Variants in IP6K1 observed in about 807,000 individuals in gnomAD.
IP6K1 encodes the protein inositol hexakisphosphate kinase 1.
In IP6K1, 13 loss-of-function variants were observed where a neutral mutation model predicts 38.3. The observed-to-expected ratio is 0.34, with a 90% CI of 0.22 to 0.54. The LOEUF is 0.54. Ranked by LOEUF, IP6K1 falls within the 20% of genes least tolerant of loss-of-function variation. The pLI, the probability that IP6K1 is intolerant of heterozygous loss-of-function variation, is 0.92. For synonymous variants in IP6K1, 212 were observed against 229.9 expected (o/e 0.92, Z 0.70); for missense variants, 397 against 599.8 (o/e 0.66, Z 3.53).
chr3:49,737,125 G>A (rs1022519887), intron 3 of IP6K1, among the ~76,000 whole-genome samples: 5 of 146,734 alleles, frequency 3.4e-5, no homozygotes, highest in African/African-American at 1.0e-4. Flanking sequence ...TGCCCAAGCT[G>A]GTCTGAAACT....
At chr3:49,743,556 A>G (rs1392629426) in intron 2 of IP6K1, among the ~76,000 whole-genome samples, 1 of 148,722 alleles carries the variant, frequency 6.7e-6, no homozygotes, top group Non-Finnish European at 1.5e-5. Flanking sequence ...TGGCGTGCCT[A>G]TAGTCCCAGC....
intron 2 of IP6K1, among the ~76,000 whole-genome samples, chr3:49,743,828 G>A (rs1404624588): frequency 4.0e-5 from 6 of 151,378 alleles, no homozygotes; most frequent in East Asian, 4.0e-4. Context: ...CCATGTTGGC[G>A]AGGCTGGTCT....
chr3:49,783,492 C>T (rs781325697), intron 1 of IP6K1, among the ~76,000 whole-genome samples: 2 of 151,882 alleles, frequency 1.3e-5, no homozygotes, highest in Non-Finnish European at 2.9e-5. Context: ...GTAGACGGAT[C>T]ATGAGGTCAG....
intron 1 of IP6K1, among the ~76,000 whole-genome samples, chr3:49,770,252 T>C (rs1216831542): frequency 6.6e-6 from 1 of 152,148 alleles, no homozygotes. Flanking sequence ...TTGGAATAAT[T>C]TGTTACAGAG....
At chr3:49,762,250 T>C (rs1195271155) in intron 1 of IP6K1, among the ~76,000 whole-genome samples, 1 of 151,992 alleles carries the variant, frequency 6.6e-6, no homozygotes, top group Non-Finnish European at 1.5e-5. Context: ...CAAGCATCTT[T>C]AAGAAAGAAC....
intron 4 of IP6K1, among the ~76,000 whole-genome samples, chr3:49,731,123 C>T (rs1003163853): frequency 1.3e-5 from 2 of 150,994 alleles, no homozygotes; most frequent in Non-Finnish European, 2.9e-5. Context: ...TAAATTTATC[C>T]CTTAATAGTT....
At chr3:49,759,475 T>C (rs979375110) in intron 1 of IP6K1, among the ~76,000 whole-genome samples, 2 of 152,164 alleles carry the variant, frequency 1.3e-5, no homozygotes, top group Non-Finnish European at 2.9e-5. Flanking sequence ...CCTGTGTTCC[T>C]ATTGGACCTC....
At chr3:49,780,309 TACACACACACACAC>T (rs71080553) in intron 1 of IP6K1, among the ~76,000 whole-genome samples, 5 of 117,546 alleles carry the variant, frequency 4.3e-5, no homozygotes, top group African/African-American at 1.6e-4. Context: ...TCATCTTTCA[TACACACACACACAC>T]ACACACACAC....
At chr3:49,742,571 T>C (rs139436692) in intron 2 of IP6K1, among the ~76,000 whole-genome samples, 30 of 147,762 alleles carry the variant, frequency 2.0e-4, no homozygotes, top group Middle Eastern at 4.1e-3. Flanking sequence ...GAAAAAAAAA[T>C]AGAAGCATAG....
intron 1 of IP6K1, among the ~76,000 whole-genome samples, chr3:49,749,442 A>G (rs2080752631): frequency 6.6e-6 from 1 of 152,260 alleles, no homozygotes; most frequent in Non-Finnish European, 1.5e-5. Flanking sequence ...TTTTTAAATT[A>G]GGAATGTAGT....
At chr3:49,779,243 T>C (rs2081044936) in intron 1 of IP6K1, among the ~76,000 whole-genome samples, 1 of 152,232 alleles carries the variant, frequency 6.6e-6, no homozygotes, top group South Asian at 2.1e-4. Context: ...AACTTTTGTA[T>C]CTGACTTCTT....
At chr3:49,745,453 T>C (rs905768567) in intron 2 of IP6K1, among the ~76,000 whole-genome samples, 2 of 152,212 alleles carry the variant, frequency 1.3e-5, no homozygotes, top group African/African-American at 4.8e-5. Flanking sequence ...CCAGTCATGG[T>C]GGCTCACACC....
In IP6K1 at chr3:49,759,674, G is replaced by C. The variant is rs2108248049; in HGVS notation, c.-128-11506C>G. Among the ~76,000 whole-genome samples the C allele has an allele frequency of 2.0e-5, 3 of 151,960 alleles. No individual in the cohort carries two copies. The Middle Eastern group carries it at 0.01, about 517-fold the overall frequency. ...AGATTTTATTAGAGTCTTAGACTAG[G>C]TGGACAAAACAACAACAACAACAAC... On this transcript the variant is annotated intron_variant, in intron 1 of 5. Transcript: ENST00000321599.
intron 1 of IP6K1, among the ~76,000 whole-genome samples, chr3:49,778,620 G>C (rs1013814680): frequency 5.3e-5 from 8 of 151,824 alleles, no homozygotes; most frequent in Non-Finnish European, 1.0e-4. Flanking sequence ...GCGACAAAGC[G>C]AGACTTCATC....
At chr3:49,740,172 A>G (rs1401096657) in intron 2 of IP6K1, among the ~76,000 whole-genome samples, 1 of 151,858 alleles carries the variant, frequency 6.6e-6, no homozygotes, top group African/African-American at 2.4e-5. Flanking sequence ...AAAAATAAAA[A>G]TAAGTTGTGG....
chr3:49,735,923 T>G (rs2080606789), intron 3 of IP6K1, among the ~76,000 whole-genome samples: 1 of 152,148 alleles, frequency 6.6e-6, no homozygotes, highest in Non-Finnish European at 1.5e-5. Context: ...TACTGAAACC[T>G]TTTTTTCTTG....
At chr3:49,740,849 C>G in intron 2 of IP6K1, among the ~76,000 whole-genome samples, 1 of 148,736 alleles carries the variant, frequency 6.7e-6, no homozygotes, top group East Asian at 2.0e-4. Context: ...CCTGTTTTTT[C>G]TTTTTTCTTT....
intron 1 of IP6K1, among the ~76,000 whole-genome samples, chr3:49,770,997 T>C (rs1357038351): frequency 1.3e-5 from 2 of 151,774 alleles, no homozygotes; most frequent in African/African-American, 4.8e-5. Flanking sequence ...TATGCACATG[T>C]AGTCCTAGCT....
chr3:49,780,309 T>TACTCATACACACACACACAC, intron 1 of IP6K1, among the ~76,000 whole-genome samples: 1 of 117,546 alleles, frequency 8.5e-6, no homozygotes, highest in Non-Finnish European at 1.7e-5. Context: ...TCATCTTTCA[T>TACTCATACACACACACACAC]ACACACACAC....
Sources: allele counts gnomAD v4.1 joint callset (sites outside exome capture counted in the v4.1 genomes callset), GRCh38; gene constraint gnomAD v4.1.1; transcripts MANE v1.5; gene names NCBI Gene and HGNC (gene_info 2026-07-23, HGNC 2026-07-21).